RBBP5: variants seen among roughly 807,000 people sequenced by gnomAD.
The protein encoded by RBBP5 is RB binding protein 5, histone lysine methyltransferase complex subunit.
RBBP5 carries 5 observed loss-of-function variants against 72.2 expected under a neutral mutation model. The observed-to-expected ratio is 0.07, with a 90% CI of 0.04 to 0.15. The LOEUF is 0.15. RBBP5 is among the 10% of genes least tolerant of loss of function. The probability of loss-of-function intolerance (pLI) is 1.00; values close to 1 mark genes in which losing one functional copy is unlikely to be tolerated. For missense variants in RBBP5, 322 were observed against 652.2 expected (o/e 0.49, Z 5.51); for synonymous variants, 209 against 237.2 (o/e 0.88, Z 1.09).
At chr1:205,102,480 T>C (rs1167794617) in intron 5 of RBBP5, among the ~76,000 whole-genome samples, 1 of 152,088 alleles carries the variant, frequency 6.6e-6, no homozygotes, top group Non-Finnish European at 1.5e-5. Context: ...AGAGAGAAGG[T>C]CAAAGGGTGT....
intron 5 of RBBP5, among the ~76,000 whole-genome samples, chr1:205,102,484 A>C (rs1455668626): frequency 2.0e-5 from 3 of 152,184 alleles, no homozygotes; most frequent in Admixed American, 1.3e-4. Flanking sequence ...AGAAGGTCAA[A>C]GGGTGTTTCT....
intron 3 of RBBP5, among the ~76,000 whole-genome samples, chr1:205,110,610 T>A (rs933695710): frequency 1.3e-5 from 2 of 152,138 alleles, no homozygotes; most frequent in African/African-American, 4.8e-5. Context: ...TAAAAACATA[T>A]TATGTGGATA....
intron 1 of RBBP5, among the ~76,000 whole-genome samples, chr1:205,117,621 T>C (rs1442145315): frequency 6.0e-5 from 9 of 151,166 alleles, no homozygotes; most frequent in Non-Finnish European, 1.2e-4. Context: ...GGTCACACCA[T>C]TGCACTCCAG....
chr1:205,095,967 C>T (rs930972219), intron 12 of RBBP5, among the ~76,000 whole-genome samples: 4 of 152,076 alleles, frequency 2.6e-5, no homozygotes, highest in African/African-American at 4.8e-5. Context: ...CCGAGGCAGG[C>T]GGATCACTTG....
Position 205,093,558 on chromosome 1 carries a change from A to ACACACG in RBBP5, c.1588+1314_1588+1315insCGTGTG, listed in dbSNP as rs1553352241. Among the ~76,000 whole-genome samples the ACACACG allele has an allele frequency of 1.7e-5, 2 of 115,966 alleles. 1 individual carries two copies. Among genetic ancestry groups the ACACACG allele is most frequent in the Admixed American group, 1.8e-4 (2 of 11,290 alleles). The allele number at this position is 115,966 out of a possible 152,430, so 76.1% of individuals were successfully genotyped here. A position where few individuals can be genotyped will look rare whatever the true frequency, so the allele number is the denominator to read the frequency against. On this transcript the variant is annotated intron_variant, in intron 13 of 13. Transcript: ENST00000264515. Reference sequence around the variant, plus strand: ...TACACACACACACACACACACACACACACACACACACAGCATTATATGTAT... The same window carrying ACACACG: ...TACACACACACACACACACACACACACACACGCACACACACACAGCATTATATGTAT...
rs1655750159 is a variant in RBBP5 at position 205,099,733 on chromosome 1, A to G, written c.978+8T>C. 1.2e-6 allele frequency: 2 copies of G among 1,601,208 alleles called. No homozygotes were observed. Among genetic ancestry groups the G allele is most frequent in the Non-Finnish European group, 1.7e-6 (2 of 1,168,546 alleles). On this transcript the variant is annotated splice_region_variant and intron_variant, in intron 9 of 13. Coordinates refer to ENST00000264515, the MANE Select transcript of RBBP5 (RefSeq NM_005057.4). The surrounding 1 kb of genome is among the most constrained non-coding windows in gnomAD (Gnocchi z 4.7). ...CTAGTTTCGAAGCAAGTAAAATAGA[A>G]TACTTACTACTTGATTCTGTGCCCA... is the stretch of plus-strand genomic sequence containing the variant.
At chr1:205,115,984 G>A (rs764366383) in intron 1 of RBBP5, 101 bp from the exon 2 acceptor site, 2 of 1,611,188 alleles carry the variant, frequency 1.2e-6, no homozygotes, top group South Asian at 2.2e-5. Context: ...AACGAAAAGG[G>A]GGATATGATG....
chr1:205,103,108 C>A (rs1655909317), intron 5 of RBBP5, among the ~76,000 whole-genome samples: 1 of 150,980 alleles, frequency 6.6e-6, no homozygotes, highest in African/African-American at 2.4e-5. Flanking sequence ...AGGAGTAATT[C>A]CAGCTACTCA....
At chr1:205,090,324 A>G (rs1243795495) in intron 13 of RBBP5, among the ~76,000 whole-genome samples, 5 of 152,254 alleles carry the variant, frequency 3.3e-5, no homozygotes, top group Non-Finnish European at 5.9e-5. Context: ...AACCTAAATC[A>G]TAATAGGAGA....
rs569530148 is a variant in RBBP5 at position 205,111,998 on chromosome 1, ATC to A, written c.218+2789_218+2790del. Among the ~76,000 whole-genome samples the A allele has an allele frequency of 3.8e-4, 58 of 152,096 alleles. 2 individuals carry two copies. In the South Asian group the frequency reaches 0.012, roughly 32 times the overall value. The stretch of plus-strand genomic sequence containing the variant: ...CTCTGCTTGGAATATATCTGGCAAC[ATC>A]TACTTATCTTACAAATTTAAAGTTA... On this transcript the variant is annotated intron_variant, in intron 3 of 13. Transcript: ENST00000264515.
chr1:205,105,143 C>T lies in RBBP5; in HGVS notation c.244G>A (p.Val82Met), dbSNP rs1350367665. 2 of 1,612,864 alleles carry T rather than the reference C, an allele frequency of 1.2e-6. No individual in the cohort carries two copies. Among genetic ancestry groups the T allele is most frequent in the East Asian group, 2.2e-5 (1 of 44,872 alleles). The change falls in exon 4 of 14, where the codon GTG becomes ATG. Residue 82 changes from valine to methionine, a missense_variant. By Grantham distance (21) the Val-to-Met change is conservative. This residue lies in a region of RBBP5 where 161 missense variants were observed against 327.8 expected (regional missense o/e 0.49). Transcript: ENST00000264515. ...LCWSRDGHKL[V>M]SASTDNIVSQ... ...ACTATGTTATCAGTGGAAGCACTCA[C>T]GAGTTTATGACCATCTCGGCTCCAG...
chr1:205,116,753 G>A (rs1213628947), intron 1 of RBBP5, among the ~76,000 whole-genome samples: 1 of 152,172 alleles, frequency 6.6e-6, no homozygotes, highest in African/African-American at 2.4e-5. Context: ...GACGGAGGTT[G>A]CAGTGAGCTG....
chr1:205,089,250 C>CT (rs1450934128), intron 13 of RBBP5, among the ~76,000 whole-genome samples: 1 of 152,156 alleles, frequency 6.6e-6, no homozygotes, highest in Admixed American at 6.5e-5. Context: ...GCAAGAAACC[C>CT]TTTTCCCAGC....
chr1:205,090,712 A>G (rs1207427722), intron 13 of RBBP5, among the ~76,000 whole-genome samples: 2 of 152,206 alleles, frequency 1.3e-5, no homozygotes, highest in Admixed American at 6.5e-5. Context: ...GGTACTTTCC[A>G]GTAGCAGCCC....
rs1231373186 is a variant in RBBP5 at position 205,099,549 on chromosome 1, GAAA to G, written c.978+189_978+191del. On this transcript the variant is annotated intron_variant, in intron 9 of 13. Coordinates refer to ENST00000264515, the MANE Select transcript of RBBP5 (RefSeq NM_005057.4). This position sits in a 1 kb window ranked among gnomAD's most constrained non-coding sequence, Gnocchi z 4.7. ...TAGAGTTTCTCCCTGAAAAGAGCCA[GAAA>G]ACCAACTTGGGACCAAGACCTTCCC... 5.9e-5 allele frequency among the ~76,000 whole-genome samples: 9 copies of G among 152,270 alleles called. No homozygotes were observed. The highest frequency in any genetic ancestry group is 1.2e-4 in the Non-Finnish European group (8 of 68,004).
chr1:205,119,094 G>A (rs540802433), intron 1 of RBBP5, among the ~76,000 whole-genome samples: 105 of 152,194 alleles, frequency 6.9e-4, no homozygotes, highest in African/African-American at 2.2e-3. Context: ...ACCTTCCAGT[G>A]CTAAATATTC....
In RBBP5 at chr1:205,099,841, G is replaced by A; in HGVS notation, c.907-29C>T. ...AATTTTAGTGAAGGAAAGAAAAACA[G>A]GTTGTTAAGAACAGATTTTAGATTT... On this transcript the variant is annotated intron_variant, in intron 8 of 13. Coordinates refer to ENST00000264515, the MANE Select transcript of RBBP5 (RefSeq NM_005057.4). The surrounding 1 kb of genome is among the most constrained non-coding windows in gnomAD (Gnocchi z 4.7). 1 of 1,613,440 alleles carries A rather than the reference G, an allele frequency of 6.2e-7. No homozygotes were observed. Among genetic ancestry groups the A allele is most frequent in the Non-Finnish European group, 8.5e-7 (1 of 1,179,496 alleles).
chr1:205,114,717 CA>C, intron 3 of RBBP5, 71 bp downstream of exon 3: 2 of 1,298,238 alleles, frequency 1.5e-6, no homozygotes, highest in Non-Finnish European at 2.1e-6. Context: ...AAAATATCTA[CA>C]ATGAGATTTG....
intron 1 of RBBP5, among the ~76,000 whole-genome samples, chr1:205,119,428 A>C (rs893633191): frequency 2.6e-5 from 4 of 152,156 alleles, no homozygotes; most frequent in African/African-American, 9.7e-5. Flanking sequence ...TTCCTTCCTA[A>C]GTTTTATCCT....
Sources: gnomAD v4.1 joint callset for allele counts (sites outside exome capture counted in the v4.1 genomes callset) on GRCh38, gnomAD v4.1.1 for gene constraint, gnomAD v4.1.1 regional missense constraint, Gnocchi (gnomAD v3.1) non-coding constraint, MANE v1.5 for transcripts, NCBI Gene and HGNC (gene_info 2026-07-23, HGNC 2026-07-21) for gene names.